Variants in SGF29 observed in about 807,000 individuals in gnomAD.
SGF29 encodes SAGA complex associated factor 29.
In SGF29, 15 loss-of-function variants were observed where a neutral mutation model predicts 38.1. That is an observed-to-expected ratio of 0.39 (90% CI 0.26 to 0.61). The LOEUF is 0.61. Ranked by LOEUF, SGF29 falls within the 20% of genes least tolerant of loss-of-function variation. The pLI is 0.49. For missense variants in SGF29, 184 were observed against 394.6 expected, an observed-to-expected ratio of 0.47 and a Z score of 4.52; for synonymous variants, 151 against 160.8, an observed-to-expected ratio of 0.94 and a Z score of 0.46.
intron 1 of SGF29, among the ~76,000 whole-genome samples, chr16:28,564,676 T>TATATATATATAC (rs2046818829): frequency 2.2e-5 from 2 of 91,186 alleles, no homozygotes; most frequent in African/African-American, 8.8e-5. Context: ...CATATATATG[T>TATATATATATAC]ATATATATGT....
chr16:28,555,171 A>G lies in SGF29; in HGVS notation c.-16+1074A>G, dbSNP rs189107147. Among the ~76,000 whole-genome samples the G allele has an allele frequency of 1.6e-3, 238 of 152,270 alleles. 1 individual carries two copies. The highest frequency in any genetic ancestry group is 5.3e-3 in the African/African-American group (222 of 41,570). On this transcript the variant is annotated intron_variant, in intron 1 of 9. Transcript: ENST00000317058. ...CCGCAATCCCAGTTTCACATTTTAA[A>G]TGTAAATACTGGCCAGGCGCGGTGG...
chr16:28,578,453 T>C (rs748871063), intron 1 of SGF29, among the ~76,000 whole-genome samples: 50 of 152,270 alleles, frequency 3.3e-4, no homozygotes, highest in Middle Eastern at 3.4e-3. Context: ...CCTTTAAGTC[T>C]GATGTTCGTT....
intron 4 of SGF29, among the ~76,000 whole-genome samples, chr16:28,588,091 C>T (rs1012371696): frequency 6.6e-5 from 10 of 152,184 alleles, no homozygotes; most frequent in African/African-American, 2.4e-4. Context: ...TGAGCCACCA[C>T]ACCCATCCCT....
At chr16:28,591,526 G>A in intron 9 of SGF29, 64 bp from the exon 10 acceptor site, 1 of 1,132,262 alleles carries the variant, frequency 8.8e-7, no homozygotes, top group Non-Finnish European at 1.3e-6. Context: ...TAGGCTGGGG[G>A]AAGGGGGTGC....
chr16:28,588,086 C>T (rs778298245), intron 4 of SGF29, among the ~76,000 whole-genome samples: 60 of 152,130 alleles, frequency 3.9e-4, no homozygotes, highest in African/African-American at 1.4e-3. Context: ...AGGCGTGAGC[C>T]ACCACACCCA....
intron 1 of SGF29, among the ~76,000 whole-genome samples, chr16:28,561,644 G>A (rs879354687): frequency 2.0e-5 from 3 of 152,164 alleles, no homozygotes; most frequent in Non-Finnish European, 2.9e-5. Context: ...AAAGTTTAGG[G>A]TACTGGGCGT....
At chr16:28,585,485 G>T in intron 3 of SGF29, 163 bp from the exon 4 acceptor site, 2 of 663,318 alleles carry the variant, frequency 3.0e-6, no homozygotes, top group South Asian at 1.7e-5. Context: ...GACTCATGGA[G>T]CCTGGGGGCA....
At position 28,591,607 on chromosome 16, in the gene SGF29, G is replaced by C. The variant is rs1224406274; in HGVS notation, c.783G>C (p.Ser261=). The part of the protein sequence containing the change: ...APPQRPQDDY[S]VLFEDTSYAD... ...CCCCACAGCCCCAGGATGACTACTCGGTCCTGTTTGAAGACACCTCCTATG... is the reference window on the plus strand; with the variant it reads ...CCCCACAGCCCCAGGATGACTACTCCGTCCTGTTTGAAGACACCTCCTATG... The change falls in exon 10 of 10, where the codon TCG becomes TCC. Residue 261 remains serine (S), a synonymous_variant. Coordinates refer to ENST00000317058, the MANE Select transcript of SGF29 (RefSeq NM_138414.3). 3.1e-6 allele frequency: 5 copies of C among 1,613,674 alleles called. No individual in the cohort carries two copies. The highest frequency in any genetic ancestry group is 2.2e-5 in the East Asian group (1 of 44,888).
In SGF29 at chr16:28,589,071, C is replaced by T; in HGVS notation, c.225-29C>T. The stretch of plus-strand genomic sequence containing the variant: ...GTCTATGCTATGTACGTTAACCAAA[C>T]CCTCTTTCTCCCTTCTCCCCGCCCT... On this transcript the variant is annotated intron_variant, in intron 4 of 9. Coordinates refer to ENST00000317058, the MANE Select transcript of SGF29 (RefSeq NM_138414.3). 3 of 1,613,202 alleles carry T rather than the reference C, an allele frequency of 1.9e-6. No individual in the cohort carries two copies. The East Asian group carries it at 6.7e-5, about 36-fold the overall frequency.
At chr16:28,571,831 G>A (rs927519673) in intron 1 of SGF29, among the ~76,000 whole-genome samples, 2 of 152,108 alleles carry the variant, frequency 1.3e-5, no homozygotes. Context: ...AATTAGAAAA[G>A]TGCCTGCTAA....
In SGF29 at chr16:28,585,632, T is replaced by C; in HGVS notation, c.152-16T>C. 6.2e-7 allele frequency: 1 copy of C among 1,613,074 alleles called. No individual in the cohort carries two copies. Among genetic ancestry groups the C allele is most frequent in the Admixed American group, 1.7e-5 (1 of 60,022 alleles). ...TGCCCTGGCCCTGCCTCCTTATCCC[T>C]GTGTTTCCTCTGCAGTTTCTCCCTA... On this transcript the variant is annotated splice_polypyrimidine_tract_variant and intron_variant, in intron 3 of 9. Transcript: ENST00000317058.
In SGF29 at chr16:28,590,288, A is replaced by G. The variant is rs749348209; in HGVS notation, c.420-8A>G. On this transcript the variant is annotated splice_region_variant and splice_polypyrimidine_tract_variant and intron_variant, in intron 6 of 9. Coordinates refer to ENST00000317058, the MANE Select transcript of SGF29 (RefSeq NM_138414.3). The surrounding 1 kb of genome is among the most constrained non-coding windows in gnomAD (Gnocchi z 8.2). ...GGGGCTGGGACTGACCCTTTGTTCC[A>G]CTCACAGGCCCCCACCCCTCTGTGG... 1.9e-6 allele frequency: 3 copies of G among 1,608,342 alleles called. No individual in the cohort carries two copies. The highest frequency in any genetic ancestry group is 2.2e-5 in the South Asian group (2 of 90,192).
intron 1 of SGF29, among the ~76,000 whole-genome samples, chr16:28,554,384 C>T (rs547797126): frequency 5.9e-5 from 9 of 152,176 alleles, no homozygotes; most frequent in Admixed American, 5.2e-4. Context: ...GGGCTCGGCA[C>T]GGACGCAGCT....
At position 28,586,429 on chromosome 16, in the gene SGF29, G is replaced by A. The variant is rs2046956332; in HGVS notation, c.224+709G>A. On this transcript the variant is annotated intron_variant, in intron 4 of 9. Transcript: ENST00000317058. ...TGGCGCACGCTACTTGGGAGGCTGA[G>A]GCAGGAGGCGGAGGTTGCAGTGAGC... 3.3e-5 allele frequency among the ~76,000 whole-genome samples: 5 copies of A among 151,500 alleles called. No homozygotes were observed. The South Asian group carries it at 1.0e-3, about 32-fold the overall frequency.
intron 2 of SGF29, among the ~76,000 whole-genome samples, chr16:28,582,889 C>T (rs1036594577): frequency 2.0e-5 from 3 of 152,068 alleles, no homozygotes; most frequent in South Asian, 4.1e-4. Context: ...GAGCCAAGAT[C>T]GCACCACTGC....
At chr16:28,584,729 C>T (rs1180524016) in intron 2 of SGF29, among the ~76,000 whole-genome samples, 184 bp from the exon 3 acceptor site, 1 of 147,554 alleles carries the variant, frequency 6.8e-6, no homozygotes. Flanking sequence ...GCGGAGCTTG[C>T]AGTGAGCCGA....
chr16:28,564,726 TAC>T (rs56801484), intron 1 of SGF29, among the ~76,000 whole-genome samples: 1,622 of 44,336 alleles, frequency 0.037, 67 homozygotes, highest in African/African-American at 0.091. Flanking sequence ...TGTATATATA[TAC>T]ATATATATGT....
intron 3 of SGF29, 25 bp downstream of exon 3, chr16:28,585,013 AAG>A (rs751799805): frequency 6.3e-7 from 1 of 1,595,756 alleles, no homozygotes; most frequent in Non-Finnish European, 8.6e-7. Flanking sequence ...TCAGGAGAGA[AAG>A]GGGATGAGAT....
intron 1 of SGF29, among the ~76,000 whole-genome samples, chr16:28,577,913 GT>G (rs2046904283): frequency 6.6e-6 from 1 of 152,070 alleles, no homozygotes; most frequent in South Asian, 2.1e-4. Flanking sequence ...TGACACCCTT[GT>G]TGAAAATTAG....
Sources: gnomAD v4.1 joint callset for allele counts (sites outside exome capture counted in the v4.1 genomes callset) on GRCh38, gnomAD v4.1.1 for gene constraint, Gnocchi (gnomAD v3.1) non-coding constraint, MANE v1.5 for transcripts, NCBI Gene and HGNC (gene_info 2026-07-23, HGNC 2026-07-21) for gene names.